The following FAM186B variants were observed in gnomAD, a reference collection of about 807,000 sequenced individuals.
The protein encoded by FAM186B is protein FAM186B.
FAM186B carries 68 observed loss-of-function variants against 83.4 expected under a neutral mutation model. The observed-to-expected ratio is 0.81, with a 90% CI of 0.67 to 1.00. FAM186B has a LOEUF of 1.00. Ranked by LOEUF, FAM186B falls within the 50% of genes least tolerant of loss-of-function variation. The pLI, the probability that FAM186B is intolerant of heterozygous loss-of-function variation, is 0.00. For missense variants in FAM186B, 983 were observed against 1,099.2 expected, an observed-to-expected ratio of 0.89 and a Z score of 1.49; for synonymous variants, 389 against 422.0, an observed-to-expected ratio of 0.92 and a Z score of 0.96.
rs1939966253 is a variant in FAM186B at position 49,604,413 on chromosome 12, C to T, written c.222G>A (p.Lys74=). 1.9e-6 allele frequency: 3 copies of T among 1,614,250 alleles called. No homozygotes were observed. The highest frequency in any genetic ancestry group is 2.5e-6 in the Non-Finnish European group (3 of 1,180,034). ...TTTTTTCCAGCAAGATGAATCTCTT[C>T]TTGCCCTTTGGATCTCTCTGCTGAG... is the stretch of plus-strand genomic sequence containing the variant. The part of the protein sequence containing the change: ...AKSQQRDPKG[K]KRFILLEKIA... The change falls in exon 2 of 7, where the codon AAG becomes AAA. Residue 74 remains lysine (K), a synonymous_variant. Transcript: ENST00000257894.
the FAM186B span, among the ~76,000 whole-genome samples, chr12:49,614,900 G>A: frequency 9.2e-5 from 14 of 152,272 alleles, no homozygotes; most frequent in Non-Finnish European, 1.3e-4. Flanking sequence ...GGAGGCTGAG[G>A]TGGGCGGATC....
upstream of FAM186B, among the ~76,000 whole-genome samples, chr12:49,607,480 A>G (rs1940046288): frequency 6.6e-6 from 1 of 152,110 alleles, no homozygotes. Context: ...CACTAAAGAA[A>G]AAAAAAGCTT....
At chr12:49,586,109 A>G (rs1473667077), downstream of FAM186B, among the ~76,000 whole-genome samples, 1 of 152,236 alleles carries the variant, frequency 6.6e-6, no homozygotes, top group Non-Finnish European at 1.5e-5. Context: ...TCAACGCAGT[A>G]AACAGGTACA....
At position 49,601,151 on chromosome 12, in the gene FAM186B, G is replaced by A. The variant is rs773030289; in HGVS notation, c.506-17C>T. On this transcript the variant is annotated splice_polypyrimidine_tract_variant and intron_variant, in intron 3 of 6. Transcript: ENST00000257894. ...GTTTGGACACTGGGACAGGTAGAGA[G>A]AAAAAAGTCAACGATTTCTCATGGG... The A allele has an allele frequency of 3.9e-6, 6 of 1,523,486 alleles. No individual in the cohort carries two copies. In the South Asian group the frequency reaches 7.9e-5, roughly 20 times the overall value. 94.4% of individuals were successfully genotyped at this position (1,523,486 alleles called of 1,614,324 possible).
chr12:49,612,747 G>A, the FAM186B span, among the ~76,000 whole-genome samples: 2 of 152,038 alleles, frequency 1.3e-5, no homozygotes, highest in Admixed American at 1.3e-4. Context: ...AGTACTTCTA[G>A]ACCTACAAAA....
chr12:49,617,869 A>T, the FAM186B span, among the ~76,000 whole-genome samples: 1 of 152,230 alleles, frequency 6.6e-6, no homozygotes, highest in African/African-American at 2.4e-5. Flanking sequence ...TGGAAGCCAG[A>T]TGGATGAGAG....
chr12:49,600,614 AGAGG>A lies in FAM186B; in HGVS notation c.1022_1025del (p.Pro341LeufsTer21). ...CTTTCCTTGGGAGGGTCTCTCTCTC[AGAGG>A]GACCTGGGGAGTCAACAGAAACCTC... On this transcript the variant is annotated frameshift_variant, in exon 4 of 7. Transcript: ENST00000257894. LOFTEE classifies it high-confidence loss of function. The surrounding 1 kb of genome is among the most constrained non-coding windows in gnomAD (Gnocchi z 4.3). 1 of 1,612,974 alleles carries A rather than the reference AGAGG, an allele frequency of 6.2e-7. No homozygotes were observed.
At position 49,598,893 on chromosome 12, in the gene FAM186B, C is replaced by A. The variant is rs1000066217; in HGVS notation, c.2226G>T (p.Lys742Asn). The change falls in exon 5 of 7, where the codon AAG becomes AAT. Residue 742 changes from lysine to asparagine, a missense_variant. By Grantham distance (94) the Lys-to-Asn change is moderately conservative. Coordinates refer to ENST00000257894, the MANE Select transcript of FAM186B (RefSeq NM_032130.3). ...QIMKETEASY[K>N]AQNLYIFLEN... ...CCAGGAAGATGTAGAGGTTCTGGGC[C>A]TTGTAGGAAGCCTCCGTTTCTTTCA... 1.2e-6 allele frequency: 2 copies of A among 1,613,528 alleles called. No homozygotes were observed. Among genetic ancestry groups the A allele is most frequent in the African/African-American group, 2.7e-5 (2 of 74,722 alleles).
At chr12:49,620,658 T>C in the FAM186B span, among the ~76,000 whole-genome samples, 1 of 151,938 alleles carries the variant, frequency 6.6e-6, no homozygotes, top group African/African-American at 2.4e-5. Flanking sequence ...ACTGTAAACA[T>C]GAGAATAACT....
chr12:49,620,610 T>C, the FAM186B span, among the ~76,000 whole-genome samples: 3 of 152,178 alleles, frequency 2.0e-5, no homozygotes, highest in South Asian at 6.2e-4. Flanking sequence ...AAGCTTACAA[T>C]AGAGCTGCAT....
At chr12:49,617,693 T>A in the FAM186B span, among the ~76,000 whole-genome samples, 1 of 152,204 alleles carries the variant, frequency 6.6e-6, no homozygotes, top group African/African-American at 2.4e-5. Flanking sequence ...ACTACTATTT[T>A]AAAACCAGTT....
chr12:49,599,654 G>A lies in FAM186B; in HGVS notation c.1986C>T (p.Tyr662=), dbSNP rs1451711086. Residue 662 remains tyrosine, a synonymous_variant, in exon 4 of 7, where the codon TAC becomes TAT. Coordinates refer to ENST00000257894, the MANE Select transcript of FAM186B (RefSeq NM_032130.3). ...ISPANIKKKV[Y]HMDMEAQRKN... ...TCCTCTGGGCCTCCATGTCCATGTG[G>A]TACACCTTCTTCTTAATATTTGCAG... 1.2e-6 allele frequency: 2 copies of A among 1,606,412 alleles called. No homozygotes were observed. Among genetic ancestry groups the A allele is most frequent in the Middle Eastern group, 1.7e-4 (1 of 6,044 alleles).
chr12:49,617,722 C>T, the FAM186B span, among the ~76,000 whole-genome samples: 1 of 151,520 alleles, frequency 6.6e-6, no homozygotes, highest in African/African-American at 2.4e-5. Flanking sequence ...CTTAAAGTTT[C>T]TGGGTAAAAA....
chr12:49,584,017 C>CT (rs1939388991), downstream of FAM186B: 1 of 159,822 alleles, frequency 6.3e-6, no homozygotes, highest in Non-Finnish European at 1.4e-5. Flanking sequence ...ACACGCTCAC[C>CT]TTTGCCTCCC....
chr12:49,606,105 C>T (rs568627540), upstream of FAM186B, among the ~76,000 whole-genome samples: 132 of 152,118 alleles, frequency 8.7e-4, 1 homozygote, highest in Non-Finnish European at 1.6e-3. Context: ...TGCTCCCAAA[C>T]AAAACATTAA....
the FAM186B span, among the ~76,000 whole-genome samples, chr12:49,614,718 C>T: frequency 1.3e-5 from 2 of 152,104 alleles, no homozygotes; most frequent in Non-Finnish European, 2.9e-5. Context: ...CACATGTACC[C>T]CCTGAGTCTA....
chr12:49,608,452 C>T (rs1940055488), upstream of FAM186B, among the ~76,000 whole-genome samples: 1 of 148,150 alleles, frequency 6.7e-6, no homozygotes, highest in Non-Finnish European at 1.5e-5. Context: ...GATCATATCA[C>T]TGTACTCCAG....
upstream of FAM186B, among the ~76,000 whole-genome samples, chr12:49,609,692 A>C (rs143689814): frequency 1.1e-3 from 162 of 152,316 alleles, 1 homozygote; most frequent in African/African-American, 3.6e-3. Context: ...TTCCTTGTGC[A>C]TAGAACTTGG....
At chr12:49,596,977 C>T (rs1439777746) in intron 5 of FAM186B, among the ~76,000 whole-genome samples, 3 of 152,302 alleles carry the variant, frequency 2.0e-5, no homozygotes, top group African/African-American at 7.2e-5. Flanking sequence ...TGACCGTGGT[C>T]TCATAAGATT....
Sources: gnomAD v4.1 joint callset for allele counts (sites outside exome capture counted in the v4.1 genomes callset) on GRCh38, gnomAD v4.1.1 for gene constraint, Gnocchi (gnomAD v3.1) non-coding constraint, MANE v1.5 for transcripts, NCBI Gene and HGNC (gene_info 2026-07-23, HGNC 2026-07-21) for gene names.